Variants in MAP3K2 observed in about 807,000 individuals in gnomAD.
The protein encoded by MAP3K2 is mitogen-activated protein kinase kinase kinase 2.
In MAP3K2, 24 loss-of-function variants were observed where a neutral mutation model predicts 80.3. The ratio of observed to expected loss-of-function variants is 0.30; its 90% CI spans 0.22 to 0.42. The LOEUF (loss-of-function observed/expected upper bound fraction) is 0.42. MAP3K2 is among the 10% of genes least tolerant of loss of function. MAP3K2 has a pLI of 1.00. For missense variants in MAP3K2, 608 were observed against 750.1 expected, an observed-to-expected ratio of 0.81 and a Z score of 2.21; for synonymous variants, 244 against 253.7, an observed-to-expected ratio of 0.96 and a Z score of 0.36.
intron 1 of MAP3K2, among the ~76,000 whole-genome samples, chr2:127,366,598 G>A (rs1245348075): frequency 2.0e-5 from 3 of 152,000 alleles, no homozygotes; most frequent in East Asian, 1.9e-4. Context: ...ATCATTTTGG[G>A]CTTATCCAAG....
intron 15 of MAP3K2, among the ~76,000 whole-genome samples, chr2:127,311,956 TTGC>T (rs139884284): frequency 0.012 from 1,752 of 152,332 alleles, 33 homozygotes; most frequent in African/African-American, 0.04. Flanking sequence ...GGTCTAGATT[TTGC>T]TGACTGCGTC....
intron 5 of MAP3K2, 21 bp downstream of exon 5, chr2:127,335,849 A>G: frequency 7.4e-7 from 1 of 1,353,744 alleles, no homozygotes; most frequent in Non-Finnish European, 1.0e-6. Flanking sequence ...GATCTACTAA[A>G]GTTAAACTGT....
chr2:127,306,081 C>G lies in MAP3K2; in HGVS notation c.*1498G>C, dbSNP rs1174830925. 2.0e-5 allele frequency: 3 copies of G among 152,058 alleles called. No homozygotes were observed. Among genetic ancestry groups the G allele is most frequent in the Non-Finnish European group, 2.9e-5 (2 of 67,976 alleles). 9.4% of individuals were successfully genotyped at this position (152,058 alleles called of 1,614,324 possible). ...CAATATGCAGCTGGTAAAGTGATTG[C>G]TATTTGCTGTTTGTTGAGATTATTC... On this transcript the variant is annotated 3_prime_UTR_variant, in exon 17 of 17. Coordinates refer to ENST00000682094, the MANE Select transcript of MAP3K2 (RefSeq NM_001371910.2). This position sits in a 1 kb window ranked among gnomAD's most constrained non-coding sequence, Gnocchi z 4.7.
intron 1 of MAP3K2, among the ~76,000 whole-genome samples, chr2:127,386,873 C>T (rs898975000): frequency 6.6e-6 from 1 of 152,118 alleles, no homozygotes; most frequent in Non-Finnish European, 1.5e-5. Flanking sequence ...TCGAACCAAG[C>T]CTTCCTGGAT....
chr2:127,307,767 T>C lies in MAP3K2; in HGVS notation c.1672A>G (p.Lys558Glu). Residue 558 changes from lysine to glutamate, a missense_variant, in exon 17 of 17, where the codon AAG (lysine) becomes GAG (glutamate). Lys to Glu is a moderately conservative substitution (Grantham distance 56). Coordinates refer to ENST00000682094, the MANE Select transcript of MAP3K2 (RefSeq NM_001371910.2). This position sits in a 1 kb window ranked among gnomAD's most constrained non-coding sequence, Gnocchi z 5.4. ...GCTTCAAATTCAGCCCAAGGCGGCTTTTCAGTTAGCATTTCTACCACAGTA... is the reference window on the plus strand; with the variant it reads ...GCTTCAAATTCAGCCCAAGGCGGCTCTTCAGTTAGCATTTCTACCACAGTA... ...ACTVVEMLTE[K>E]PPWAEFEAMA... is the part of the protein sequence containing the mutation. 1 of 1,594,878 alleles carries C rather than the reference T, an allele frequency of 6.3e-7. No homozygotes were observed. Among genetic ancestry groups the C allele is most frequent in the Non-Finnish European group, 8.5e-7 (1 of 1,169,854 alleles).
intron 1 of MAP3K2, among the ~76,000 whole-genome samples, chr2:127,344,949 G>A (rs1686570427): frequency 6.6e-6 from 1 of 152,060 alleles, no homozygotes; most frequent in Admixed American, 6.6e-5. Flanking sequence ...CTGCAGCCTT[G>A]ATCTGCCAGG....
At chr2:127,325,911 C>T in intron 8 of MAP3K2, 104 bp from the exon 9 acceptor site, 3 of 751,784 alleles carry the variant, frequency 4.0e-6, no homozygotes, top group Non-Finnish European at 4.6e-6. Context: ...ACATAAAATT[C>T]ACCCATTTAA....
At chr2:127,361,042 G>A (rs890316780) in intron 1 of MAP3K2, among the ~76,000 whole-genome samples, 78 of 152,094 alleles carry the variant, frequency 5.1e-4, no homozygotes, top group African/African-American at 1.7e-3. Flanking sequence ...GGCAGGGCGC[G>A]GTGGCTCAAG....
chr2:127,384,839 G>T (rs1687316254), intron 1 of MAP3K2, among the ~76,000 whole-genome samples: 1 of 151,918 alleles, frequency 6.6e-6, no homozygotes, highest in Non-Finnish European at 1.5e-5. Context: ...ATTTTGCCAT[G>T]TTGCCCACGC....
intron 1 of MAP3K2, among the ~76,000 whole-genome samples, chr2:127,383,389 T>C (rs373620142): frequency 1.3e-5 from 2 of 152,246 alleles, no homozygotes; most frequent in East Asian, 3.8e-4. Context: ...GTTCTCCTTA[T>C]AGAGATCTGT....
rs1050156002 is a variant in MAP3K2, at chr2:127,378,306, C to T, written c.-66+9146G>A. On this transcript the variant is annotated intron_variant, in intron 1 of 16. Coordinates refer to ENST00000682094, the MANE Select transcript of MAP3K2 (RefSeq NM_001371910.2). The stretch of plus-strand genomic sequence containing the variant: ...TATCTGTATAATACTTTCTCAATTA[C>T]TCAGAGATACTAGAAAGCAAGGCAA... 3.5e-5 allele frequency: 7 copies of T among 201,870 alleles called. No individual in the cohort carries two copies. The Admixed American group carries it at 3.9e-4, about 11-fold the overall frequency. The allele number at this position is 201,870 out of a possible 1,614,324, so 12.5% of individuals were successfully genotyped here.
At chr2:127,358,048 C>T (rs945208156) in intron 1 of MAP3K2, among the ~76,000 whole-genome samples, 4 of 152,002 alleles carry the variant, frequency 2.6e-5, no homozygotes, top group East Asian at 3.9e-4. Flanking sequence ...CCACAGACTA[C>T]GAGAAAAAAT....
chr2:127,328,334 G>A (rs1316631377), intron 7 of MAP3K2, among the ~76,000 whole-genome samples: 3 of 152,302 alleles, frequency 2.0e-5, no homozygotes, highest in Middle Eastern at 6.8e-3. Flanking sequence ...GTACCGTAAT[G>A]TGATAAGAAA....
At chr2:127,317,895 C>A in intron 13 of MAP3K2, 135 bp from the exon 14 acceptor site, 2 of 821,928 alleles carry the variant, frequency 2.4e-6, no homozygotes, top group Non-Finnish European at 3.7e-6. Flanking sequence ...AGTCTCTAAC[C>A]AATAACTTTT....
intron 15 of MAP3K2, among the ~76,000 whole-genome samples, chr2:127,313,255 C>T (rs1219818898): frequency 6.6e-6 from 1 of 152,136 alleles, no homozygotes; most frequent in East Asian, 1.9e-4. Flanking sequence ...TTTGCCTTGC[C>T]TCATTATGAG....
At chr2:127,338,854 CA>C in intron 3 of MAP3K2, 77 bp downstream of exon 3, 1 of 932,720 alleles carries the variant, frequency 1.1e-6, no homozygotes, top group South Asian at 1.7e-5. Context: ...AAAAGCTGAA[CA>C]CATTAAACAA....
At position 127,321,456 on chromosome 2, in the gene MAP3K2, T is replaced by C. The variant is rs913264596; in HGVS notation, c.1045+590A>G. Among the ~76,000 whole-genome samples the C allele has an allele frequency of 1.2e-4, 18 of 152,242 alleles. No homozygotes were observed. The highest frequency in any genetic ancestry group is 4.3e-4 in the African/African-American group (18 of 41,452). ...AGCACACAAAAAGGAATTCAGAGTA[T>C]GCAAATAGTGCTGCAATAAACATCT... On this transcript the variant is annotated intron_variant, in intron 12 of 16. Transcript: ENST00000682094. This position sits in a 1 kb window ranked among gnomAD's most constrained non-coding sequence, Gnocchi z 4.4.
chr2:127,324,607 T>A (rs1160264700), intron 9 of MAP3K2, among the ~76,000 whole-genome samples: 1 of 152,044 alleles, frequency 6.6e-6, no homozygotes, highest in Non-Finnish European at 1.5e-5. Flanking sequence ...ATAAGTAAGG[T>A]ATCCAGGATA....
chr2:127,316,124 C>T (rs375616574), intron 14 of MAP3K2, among the ~76,000 whole-genome samples: 5 of 151,460 alleles, frequency 3.3e-5, no homozygotes, highest in Admixed American at 6.6e-5. Flanking sequence ...TGCAATCCCA[C>T]GACATTGGGA....
Sources: allele counts gnomAD v4.1 joint callset (sites outside exome capture counted in the v4.1 genomes callset), GRCh38; gene constraint gnomAD v4.1.1; non-coding constraint Gnocchi (gnomAD v3.1); transcripts MANE v1.5; gene names NCBI Gene and HGNC (gene_info 2026-07-23, HGNC 2026-07-21).